Variants in UTP25 observed in about 807,000 individuals in gnomAD.
UTP25 encodes the protein U3 small nucleolar RNA-associated protein 25 homolog.
Under a neutral mutation model 78.9 loss-of-function variants are expected in UTP25, and 50 were observed. The observed-to-expected ratio is 0.63, with a 90% CI of 0.50 to 0.80. UTP25 has a LOEUF of 0.80. Among genes scored for constraint, UTP25 ranks in the 30% least tolerant of loss-of-function variants. The pLI is 0.00. For synonymous variants in UTP25, 329 were observed against 336.5 expected, an observed-to-expected ratio of 0.98 and a Z score of 0.24; for missense variants, 846 against 911.3, an observed-to-expected ratio of 0.93 and a Z score of 0.92.
rs5780540 is a variant in UTP25, at chr1:209,830,500, T to TAA, written c.148-289_148-288dup. Among the ~76,000 whole-genome samples, 453 of 141,100 alleles carry TAA rather than the reference T, an allele frequency of 3.2e-3. 5 individuals are homozygous for TAA. The highest frequency in any genetic ancestry group is 8.4e-3 in the African/African-American group (324 of 38,708). 92.6% of individuals were successfully genotyped at this position (141,100 alleles called of 152,430 possible). A position where few individuals can be genotyped will look rare whatever the true frequency, so the allele number is the denominator to read the frequency against. On this transcript the variant is annotated intron_variant, in intron 2 of 11. Transcript: ENST00000491415. ...AAGGGCCTATCATATTACAACAAAC[T>TAA]AAAAAAAAAAAAAAAGAAACCTGTT...
Position 209,835,135 on chromosome 1 carries a change from C to A in UTP25, c.623C>A (p.Thr208Lys). ...LKEKAIQAVA[T>K]NPKTTHELKW... is the part of the protein sequence containing the mutation. Reference sequence around the variant, plus strand: ...GAAAAAGCAATTCAGGCTGTTGCCACAAATCCCAAAACTACCCACGAGCTT... The same window carrying A: ...GAAAAAGCAATTCAGGCTGTTGCCAAAAATCCCAAAACTACCCACGAGCTT... The change falls in exon 5 of 12, where the codon ACA (threonine) becomes AAA (lysine). Residue 208 changes from threonine to lysine, a missense_variant. Physicochemically the swap from Thr to Lys is moderately conservative, Grantham distance 78. Transcript: ENST00000491415. 2 of 1,613,788 alleles carry A rather than the reference C, an allele frequency of 1.2e-6. No homozygotes were observed. Among genetic ancestry groups the A allele is most frequent in the Non-Finnish European group, 1.7e-6 (2 of 1,179,738 alleles).
intron 11 of UTP25, among the ~76,000 whole-genome samples, chr1:209,849,741 A>G (rs1272145711): frequency 6.6e-6 from 1 of 152,216 alleles, no homozygotes. Flanking sequence ...TCCTGAAGTC[A>G]GGCAAGCCTA....
intron 11 of UTP25, among the ~76,000 whole-genome samples, chr1:209,848,270 G>GT (rs2078209526): frequency 6.6e-6 from 1 of 152,108 alleles, no homozygotes; most frequent in Admixed American, 6.5e-5. Context: ...GGAATATTAC[G>GT]TACTTTCTAC....
chr1:209,830,656 A>T, intron 2 of UTP25, 147 bp from the exon 3 acceptor site: 1 of 1,334,914 alleles, frequency 7.5e-7, no homozygotes, highest in Non-Finnish European at 1.0e-6. Context: ...GGAGCATATG[A>T]AGAGCTTCTA....
chr1:209,841,985 G>A (rs551518945), intron 8 of UTP25, among the ~76,000 whole-genome samples: 1 of 152,288 alleles, frequency 6.6e-6, no homozygotes, highest in South Asian at 2.1e-4. Flanking sequence ...CCCATAGAGA[G>A]ACCAGTGTGG....
chr1:209,836,684 T>A, intron 5 of UTP25, 117 bp from the exon 6 acceptor site: 1 of 1,137,044 alleles, frequency 8.8e-7, no homozygotes, highest in Non-Finnish European at 1.2e-6. Context: ...AGGGCTGTTG[T>A]GAGGATTAAA....
chr1:209,856,185 T>G lies in UTP25; in HGVS notation c.*4738T>G, dbSNP rs1253478758. On this transcript the variant is annotated 3_prime_UTR_variant, in exon 12 of 12. Transcript: ENST00000491415. The stretch of plus-strand genomic sequence containing the variant: ...AAGTATGGAGTAATCCCCACTAGCC[T>G]TATAGAGGGACTGTGTGAGAAGGGA... 2 of 152,230 alleles carry G rather than the reference T, an allele frequency of 1.3e-5. No individual in the cohort carries two copies. The highest frequency in any genetic ancestry group is 2.9e-5 in the Non-Finnish European group (2 of 68,054). 9.4% of individuals were successfully genotyped at this position (152,230 alleles called of 1,614,324 possible). A position where few individuals can be genotyped will look rare whatever the true frequency, so the allele number is the denominator to read the frequency against.
Position 209,830,963 on chromosome 1 carries a change from C to T in UTP25, c.308C>T (p.Ala103Val). Residue 103 changes from alanine to valine, a missense_variant, in exon 3 of 12, where the codon GCA (alanine) becomes GTA (valine). Physicochemically the swap from Ala to Val is moderately conservative, Grantham distance 64 (BLOSUM62 0). Transcript: ENST00000491415. ...EEEEDSIVDD[A>V]EMNDEDGGSD... ...GAAGAAGACAGTATTGTAGATGATG[C>T]AGAAATGAACGATGAAGATGGTGGT... 2 of 1,613,868 alleles carry T rather than the reference C, an allele frequency of 1.2e-6. No individual in the cohort carries two copies. Among genetic ancestry groups the T allele is most frequent in the South Asian group, 2.2e-5 (2 of 91,080 alleles).
In UTP25 at chr1:209,854,157, G is replaced by A. The variant is rs774811900; in HGVS notation, c.*2710G>A. 3.3e-5 allele frequency: 5 copies of A among 152,130 alleles called. No individual in the cohort carries two copies. Among genetic ancestry groups the A allele is most frequent in the Non-Finnish European group, 7.4e-5 (5 of 68,024 alleles). The allele number at this position is 152,130 out of a possible 1,614,324, so 9.4% of individuals were successfully genotyped here. On this transcript the variant is annotated 3_prime_UTR_variant, in exon 12 of 12. Transcript: ENST00000491415. ...ACCTTGATGTTAACAAGGCTCATTT[G>A]CAGCAAGCAAGTGCCTATATAGGGT...
chr1:209,843,460 T>C lies in UTP25; in HGVS notation c.1791T>C (p.Phe597=), dbSNP rs768869509. The C allele has an allele frequency of 3.7e-6, 6 of 1,613,920 alleles. No homozygotes were observed. The highest frequency in any genetic ancestry group is 5.1e-6 in the Non-Finnish European group (6 of 1,179,852). Residue 597 remains phenylalanine, a synonymous_variant, in exon 11 of 12, where the codon TTT becomes TTC. Transcript: ENST00000491415. The stretch of plus-strand genomic sequence containing the variant: ...TGCCATTCCAAATCAGGTTTAACTT[T>C]TTTGTGAACAAGATTTTGCCACAGT... ...LASVIDARFN[F]FVNKILPQYR...
At chr1:209,832,952 G>A (rs1162054926) in intron 3 of UTP25, among the ~76,000 whole-genome samples, 1 of 152,112 alleles carries the variant, frequency 6.6e-6, no homozygotes, top group African/African-American at 2.4e-5. Flanking sequence ...ATAATGTTTG[G>A]CCAGATATCT....
chr1:209,840,809 G>C (rs772248995), intron 7 of UTP25, 44 bp from the exon 8 acceptor site: 1 of 1,594,936 alleles, frequency 6.3e-7, no homozygotes, highest in South Asian at 1.1e-5. Flanking sequence ...GTAATGGCTT[G>C]GTAGTGACTA....
rs766843134 is a variant in UTP25 at position 209,830,903 on chromosome 1, C to T, written c.248C>T (p.Ser83Phe). 1.6e-5 allele frequency: 26 copies of T among 1,613,772 alleles called. No homozygotes were observed. Among genetic ancestry groups the T allele is most frequent in the Non-Finnish European group, 2.2e-5 (26 of 1,179,940 alleles). The stretch of plus-strand genomic sequence containing the variant: ...CTACTTGCTACATTAAAGAATGTTT[C>T]TGAGGAAGAAGAGGAAGATGAGGAG... Reference protein sequence around the residue: ...HRLLATLKNVSEEEEEDEEEE... With the variant: ...HRLLATLKNVFEEEEEDEEEE... Residue 83 changes from serine to phenylalanine, a missense_variant, in exon 3 of 12, where the codon TCT (serine) becomes TTT (phenylalanine). Physicochemically the swap from Ser to Phe is radical, Grantham distance 155. Transcript: ENST00000491415.
chr1:209,844,007 G>C (rs2078181959), intron 11 of UTP25: 1 of 275,992 alleles, frequency 3.6e-6, no homozygotes, highest in Non-Finnish European at 6.9e-6. Context: ...ATACAAGGAA[G>C]GGGAGGGACC....
At chr1:209,837,796 C>T (rs974838937) in intron 6 of UTP25, among the ~76,000 whole-genome samples, 1 of 152,182 alleles carries the variant, frequency 6.6e-6, no homozygotes, top group African/African-American at 2.4e-5. Flanking sequence ...GAGGCCTTAA[C>T]AGGAAATGGC....
rs2078282265 is a variant in UTP25 at position 209,857,057 on chromosome 1, C to A, written c.*5610C>A. On this transcript the variant is annotated 3_prime_UTR_variant, in exon 12 of 12. Coordinates refer to ENST00000491415, the MANE Select transcript of UTP25 (RefSeq NM_014388.7). ...GATAGAAACTTACAGGTCTTGTGAT[C>A]TAATCTGCCACTTGATCCGTGAATT... The A allele has an allele frequency of 2.0e-5, 3 of 152,134 alleles. No individual in the cohort carries two copies. Among genetic ancestry groups the A allele is most frequent in the African/African-American group, 7.2e-5 (3 of 41,422 alleles). 9.4% of individuals were successfully genotyped at this position (152,134 alleles called of 1,614,324 possible).
Position 209,851,320 on chromosome 1 carries a change from G to A in UTP25, c.2144G>A (p.Trp715Ter). ...RATNRGEEAT[W>*]TCTVLYSKYD... ...ACCAACAGAGGAGAAGAGGCCACGT[G>A]GACCTGCACTGTTCTCTACTCCAAA... The change falls in exon 12 of 12, where the codon TGG (tryptophan) becomes TAG (stop). Residue 715 changes from tryptophan to a stop codon, truncating the protein, a stop_gained. Transcript: ENST00000491415. LOFTEE classifies it high-confidence loss of function. 1 of 1,614,186 alleles carries A rather than the reference G, an allele frequency of 6.2e-7. No homozygotes were observed. The highest frequency in any genetic ancestry group is 1.7e-5 in the Admixed American group (1 of 60,026).
chr1:209,842,572 A>C lies in UTP25; in HGVS notation c.1669-11A>C. 1 of 1,613,746 alleles carries C rather than the reference A, an allele frequency of 6.2e-7. No homozygotes were observed. Among genetic ancestry groups the C allele is most frequent in the Non-Finnish European group, 8.5e-7 (1 of 1,179,744 alleles). On this transcript the variant is annotated splice_polypyrimidine_tract_variant and intron_variant, in intron 9 of 11. Coordinates refer to ENST00000491415, the MANE Select transcript of UTP25 (RefSeq NM_014388.7). ...GGCTGTCCACCTAACGCTCTTGTTG[A>C]CTACTGGCAGGTGGCCGTGAGGAAT...
In UTP25 at chr1:209,843,564, A is replaced by G; in HGVS notation, c.1895A>G (p.Lys632Arg). The part of the protein sequence containing the change: ...FDFVRLRNYF[K>R]KEELNFTHIC... ...TTCGTGCGTCTTCGAAATTACTTCA[A>G]GAAGGAGGAATTGAATTTTACCCAC... Residue 632 changes from lysine (K) to arginine (R), a missense_variant, in exon 11 of 12, where the codon AAG (lysine) becomes AGG (arginine). Lys to Arg is a conservative substitution (Grantham distance 26, BLOSUM62 2). Transcript: ENST00000491415. 1.2e-6 allele frequency: 2 copies of G among 1,614,206 alleles called. No homozygotes were observed. The highest frequency in any genetic ancestry group is 1.7e-6 in the Non-Finnish European group (2 of 1,180,028).
Sources: allele counts gnomAD v4.1 joint callset (sites outside exome capture counted in the v4.1 genomes callset), GRCh38; gene constraint gnomAD v4.1.1; transcripts MANE v1.5; gene names NCBI Gene and HGNC (gene_info 2026-07-23, HGNC 2026-07-21).